The following FBXL2 variants were observed in gnomAD, a reference collection of about 807,000 sequenced individuals.
FBXL2 encodes F-box/LRR-repeat protein 2.
A neutral mutation model predicts 69.2 loss-of-function variants in FBXL2; 38 were observed. The observed-to-expected ratio is 0.55, with a 90% CI of 0.42 to 0.72. The LOEUF is 0.72. FBXL2 is among the 30% of genes least tolerant of loss of function. The probability of loss-of-function intolerance (pLI) is 0.00; values close to 1 mark genes in which losing one functional copy is unlikely to be tolerated. For missense variants in FBXL2, 354 were observed against 520.3 expected (o/e 0.68, Z 3.11); for synonymous variants, 192 against 201.3 (o/e 0.95, Z 0.39).
chr3:33,395,845 T>C (rs148307053), intron 12 of FBXL2, among the ~76,000 whole-genome samples: 1 of 145,166 alleles, frequency 6.9e-6, no homozygotes, highest in East Asian at 2.0e-4. Context: ...TCAGTAAATC[T>C]GACCAAAAAA....
At chr3:33,392,656 A>C, downstream of FBXL2, 2 of 1,548,962 alleles carry the variant, frequency 1.3e-6, no homozygotes, top group Non-Finnish European at 1.8e-6. Context: ...TTAAGATCCA[A>C]CTGTCGTTTC....
intron 2 of FBXL2, among the ~76,000 whole-genome samples, chr3:33,342,941 C>T (rs1395797798): frequency 2.8e-5 from 4 of 144,306 alleles, no homozygotes; most frequent in Admixed American, 7.2e-5. Flanking sequence ...GGGGTTTCAC[C>T]GTTTTAGCCA....
At chr3:33,400,675 G>C (rs565549050) in intron 12 of FBXL2, among the ~76,000 whole-genome samples, 2 of 152,230 alleles carry the variant, frequency 1.3e-5, no homozygotes, top group African/African-American at 4.8e-5. Flanking sequence ...GGAAGAATGG[G>C]TGAGGGATAA....
chr3:33,293,218 A>G (rs1267314318), intron 1 of FBXL2, among the ~76,000 whole-genome samples: 2 of 152,222 alleles, frequency 1.3e-5, no homozygotes. Flanking sequence ...ACCATTTGTT[A>G]AGCACTTACT....
At chr3:33,283,476 C>A (rs2034261043) in intron 1 of FBXL2, among the ~76,000 whole-genome samples, 1 of 152,208 alleles carries the variant, frequency 6.6e-6, no homozygotes, top group East Asian at 1.9e-4. Flanking sequence ...ATTTTTGCAT[C>A]GATGTTCATC....
downstream of FBXL2, among the ~76,000 whole-genome samples, chr3:33,406,591 A>C (rs2044433556): frequency 6.6e-6 from 1 of 152,258 alleles, no homozygotes; most frequent in Non-Finnish European, 1.5e-5. Context: ...TGGCAGAGTA[A>C]TGTAGAAACA....
chr3:33,277,678 G>C lies in FBXL2; in HGVS notation c.3+163G>C, dbSNP rs76680905. On this transcript the variant is annotated intron_variant, in intron 1 of 14. Transcript: ENST00000484457. ...GGCAGGGCAGGGCTGGGCGGGCCCG[G>C]GGAGGGGTAACCTGGGGGATTCAGA... is the stretch of plus-strand genomic sequence containing the variant. Among the ~76,000 whole-genome samples, 907 of 152,162 alleles carry C rather than the reference G, an allele frequency of 6.0e-3. 31 individuals are homozygous for C. The East Asian group carries it at 0.08, about 13-fold the overall frequency.
intron 2 of FBXL2, among the ~76,000 whole-genome samples, chr3:33,310,716 G>A (rs904678253): frequency 6.6e-6 from 1 of 151,768 alleles, no homozygotes; most frequent in African/African-American, 2.4e-5. Flanking sequence ...CATTTCTGAA[G>A]GACAGCTTTG....
intron 2 of FBXL2, among the ~76,000 whole-genome samples, chr3:33,302,282 A>G (rs2036361930): frequency 6.6e-6 from 1 of 152,220 alleles, no homozygotes; most frequent in Non-Finnish European, 1.5e-5. Context: ...GCATACTACT[A>G]TCTTATATTA....
At chr3:33,380,246 A>C (rs1308650381) in intron 13 of FBXL2, among the ~76,000 whole-genome samples, 2 of 150,790 alleles carry the variant, frequency 1.3e-5, no homozygotes, top group African/African-American at 4.9e-5. Context: ...AAAAAATTCA[A>C]AAGAAAAAGT....
chr3:33,421,649 A>G, the FBXL2 span, among the ~76,000 whole-genome samples: 3 of 152,228 alleles, frequency 2.0e-5, no homozygotes, highest in Admixed American at 1.3e-4. Flanking sequence ...ACATCAATAC[A>G]ACTAGGAAAA....
chr3:33,351,251 C>T (rs2040811535), intron 2 of FBXL2, among the ~76,000 whole-genome samples: 2 of 151,988 alleles, frequency 1.3e-5, no homozygotes, highest in Non-Finnish European at 2.9e-5. Flanking sequence ...GGTAACAGAG[C>T]AAGATTCTGT....
intron 2 of FBXL2, among the ~76,000 whole-genome samples, chr3:33,304,118 A>C (rs2036516767): frequency 6.6e-6 from 1 of 152,128 alleles, no homozygotes; most frequent in Non-Finnish European, 1.5e-5. Context: ...GCATATATAC[A>C]GGATGATTAC....
Position 33,373,837 on chromosome 3 carries a change from G to A in FBXL2, c.583-10G>A. The A allele has an allele frequency of 6.2e-7, 1 of 1,614,106 alleles. No individual in the cohort carries two copies. The highest frequency in any genetic ancestry group is 8.5e-7 in the Non-Finnish European group (1 of 1,180,010). ...ATTCCAGCTGTCTTTTGTTTTCTCT[G>A]TCCACTCAGTTAGAAGATGAAGCTC... On this transcript the variant is annotated splice_polypyrimidine_tract_variant and intron_variant, in intron 8 of 14. Transcript: ENST00000484457.
At chr3:33,420,482 T>C in the FBXL2 span, among the ~76,000 whole-genome samples, 3 of 147,824 alleles carry the variant, frequency 2.0e-5, no homozygotes, top group Admixed American at 1.4e-4. Context: ...TGTGCCACCA[T>C]ACTGGCTTTT....
intron 1 of FBXL2, among the ~76,000 whole-genome samples, chr3:33,286,061 C>T (rs918551482): frequency 1.3e-5 from 2 of 152,190 alleles, no homozygotes; most frequent in African/African-American, 4.8e-5. Flanking sequence ...CTCCATCCAG[C>T]TTTGTTCTGT....
At chr3:33,288,214 T>C (rs2125690468) in intron 1 of FBXL2, among the ~76,000 whole-genome samples, 1 of 152,356 alleles carries the variant, frequency 6.6e-6, no homozygotes, top group South Asian at 2.1e-4. Context: ...TTCCCAGTTC[T>C]CAGTGCTGCC....
chr3:33,328,710 T>G lies in FBXL2; in HGVS notation c.66-30257T>G, dbSNP rs2038903965. ...GCAAAACCCAAAATGGATTAAAGAC[T>G]TAAATTTAACACCTGTAATTGTGAA... On this transcript the variant is annotated intron_variant, in intron 2 of 14. Transcript: ENST00000484457. Among the ~76,000 whole-genome samples, 8 of 152,070 alleles carry G rather than the reference T, an allele frequency of 5.3e-5. No individual in the cohort carries two copies. In the South Asian group the frequency reaches 1.7e-3, roughly 32 times the overall value.
chr3:33,422,577 T>C, the FBXL2 span, among the ~76,000 whole-genome samples: 1 of 151,764 alleles, frequency 6.6e-6, no homozygotes, highest in Non-Finnish European at 1.5e-5. Context: ...TTTTAAAAAT[T>C]TGCCAGGCAT....
Sources: gnomAD v4.1 joint callset for allele counts (sites outside exome capture counted in the v4.1 genomes callset) on GRCh38, gnomAD v4.1.1 for gene constraint, MANE v1.5 for transcripts, NCBI Gene and HGNC (gene_info 2026-07-23, HGNC 2026-07-21) for gene names.